ZNRF3: variants seen among roughly 807,000 people sequenced by gnomAD.
ZNRF3 encodes zinc and ring finger 3.
Under a neutral mutation model 72.5 loss-of-function variants are expected in ZNRF3, and 23 were observed. That is an observed-to-expected ratio of 0.32 (90% confidence interval 0.23 to 0.45). The LOEUF is 0.45. Among genes scored for constraint, ZNRF3 ranks in the 20% least tolerant of loss-of-function variants. The probability of loss-of-function intolerance (pLI) is 1.00; values close to 1 mark genes in which losing one functional copy is unlikely to be tolerated. For missense variants in ZNRF3, 1,169 were observed against 1,272.1 expected, an observed-to-expected ratio of 0.92 and a Z score of 1.23; for synonymous variants, 610 against 545.3, an observed-to-expected ratio of 1.12 and a Z score of -1.65.
At chr22:29,024,297 TGCTTTCAA>T (rs2036587332) in intron 2 of ZNRF3, among the ~76,000 whole-genome samples, 3 of 150,286 alleles carry the variant, frequency 2.0e-5, no homozygotes, top group Non-Finnish European at 4.5e-5. Flanking sequence ...TTTTTTTTTT[TGCTTTCAA>T]TTTTCTGCAC....
chr22:28,934,383 T>C (rs2034781209), intron 1 of ZNRF3, among the ~76,000 whole-genome samples: 1 of 152,258 alleles, frequency 6.6e-6, no homozygotes, highest in Non-Finnish European at 1.5e-5. Flanking sequence ...TCAACTCTCT[T>C]GGACTTAAAT....
Position 29,053,686 on chromosome 22 carries a change from A to G in ZNRF3, c.*64A>G. 6.6e-7 allele frequency: 1 copy of G among 1,512,886 alleles called. No homozygotes were observed. The highest frequency in any genetic ancestry group is 1.2e-5 in the South Asian group (1 of 80,852). The allele number at this position is 1,512,886 out of a possible 1,614,324, so 93.7% of individuals were successfully genotyped here. On this transcript the variant is annotated 3_prime_UTR_variant, in exon 9 of 9. Coordinates refer to ENST00000544604, the MANE Select transcript of ZNRF3 (RefSeq NM_001206998.2). ...TGGAGACTCCAAACTGACTTCTTTC[A>G]AAAAACAAAAACAAAAAATTTTTTT...
intron 5 of ZNRF3, among the ~76,000 whole-genome samples, chr22:29,046,499 T>C (rs1384464748): frequency 6.6e-6 from 1 of 152,146 alleles, no homozygotes; most frequent in African/African-American, 2.4e-5. Context: ...CTGCTAGTCT[T>C]GCCACTTAGG....
At chr22:28,991,678 C>T (rs1569273292) in intron 2 of ZNRF3, among the ~76,000 whole-genome samples, 1 of 152,118 alleles carries the variant, frequency 6.6e-6, no homozygotes, top group Non-Finnish European at 1.5e-5. Flanking sequence ...ATTTGACATC[C>T]TATCCAGATT....
intron 1 of ZNRF3, among the ~76,000 whole-genome samples, chr22:28,929,779 GT>G (rs775850967): frequency 2.0e-5 from 3 of 152,124 alleles, no homozygotes; most frequent in Non-Finnish European, 4.4e-5. Context: ...AGGTGGTTGG[GT>G]AATTGAAAAA....
At chr22:28,905,120 A>G (rs2034181723) in intron 1 of ZNRF3, among the ~76,000 whole-genome samples, 1 of 151,904 alleles carries the variant, frequency 6.6e-6, no homozygotes, top group Non-Finnish European at 1.5e-5. Flanking sequence ...ACTTTTTTAT[A>G]GAGATGAGGT....
chr22:28,941,319 C>T (rs1601585449), intron 1 of ZNRF3, among the ~76,000 whole-genome samples: 2 of 152,190 alleles, frequency 1.3e-5, no homozygotes, highest in Middle Eastern at 3.4e-3. Context: ...GGTTTTTGGT[C>T]TTAATTTAAC....
At position 28,944,948 on chromosome 22, in the gene ZNRF3, A is replaced by C. The variant is rs555536666; in HGVS notation, c.301-42128A>C. Among the ~76,000 whole-genome samples the C allele has an allele frequency of 7.7e-4, 115 of 149,132 alleles. 2 individuals are homozygous for C. The South Asian group carries it at 0.024, about 31-fold the overall frequency. ...CTCCAAATAAATAAATAAATAAATA[A>C]ATAAATAAATAAATAATAATAATAC... On this transcript the variant is annotated intron_variant, in intron 1 of 8. Transcript: ENST00000544604.
intron 1 of ZNRF3, among the ~76,000 whole-genome samples, chr22:28,929,612 T>C (rs184269919): frequency 3.3e-4 from 50 of 152,330 alleles, no homozygotes; most frequent in Admixed American, 5.9e-4. Context: ...CATTTTCTTT[T>C]ATAATAAGCC....
chr22:28,947,464 T>A (rs1028109727), intron 1 of ZNRF3, among the ~76,000 whole-genome samples: 16 of 152,228 alleles, frequency 1.1e-4, no homozygotes, highest in Admixed American at 7.2e-4. Context: ...CATTTTACAT[T>A]TCCCATCAGT....
chr22:28,997,988 TAAAAAAA>T (rs557887667), intron 2 of ZNRF3, among the ~76,000 whole-genome samples: 7 of 115,336 alleles, frequency 6.1e-5, no homozygotes, highest in African/African-American at 1.4e-4. Flanking sequence ...CCTGGCTCTT[TAAAAAAA>T]AAAAAAAAAA....
At chr22:28,926,110 C>T (rs1385373109) in intron 1 of ZNRF3, among the ~76,000 whole-genome samples, 5 of 152,206 alleles carry the variant, frequency 3.3e-5, no homozygotes, top group African/African-American at 9.6e-5. Flanking sequence ...GACTTGCCCT[C>T]TCACATTTCC....
At chr22:28,995,756 C>T (rs146364155) in intron 2 of ZNRF3, among the ~76,000 whole-genome samples, 19 of 151,664 alleles carry the variant, frequency 1.3e-4, no homozygotes, top group Admixed American at 2.0e-4. Context: ...TTTCTAGGAG[C>T]ACCCACAGGA....
At chr22:28,990,000 T>C (rs1446289384) in intron 2 of ZNRF3, among the ~76,000 whole-genome samples, 1 of 152,236 alleles carries the variant, frequency 6.6e-6, no homozygotes, top group Non-Finnish European at 1.5e-5. Context: ...GAGAGAAATA[T>C]GATTTATGAT....
chr22:28,968,518 T>C (rs534310706), intron 1 of ZNRF3, among the ~76,000 whole-genome samples: 24 of 152,256 alleles, frequency 1.6e-4, no homozygotes, highest in Non-Finnish European at 2.6e-4. Flanking sequence ...AAGACCAGTC[T>C]GGCCAACATG....
chr22:29,015,803 A>C (rs1321641949), intron 2 of ZNRF3, among the ~76,000 whole-genome samples: 1 of 152,004 alleles, frequency 6.6e-6, no homozygotes, highest in Non-Finnish European at 1.5e-5. Flanking sequence ...GGATCACCTG[A>C]GGTCTGGAGT....
At chr22:28,981,188 G>A (rs952619924) in intron 1 of ZNRF3, among the ~76,000 whole-genome samples, 4 of 152,184 alleles carry the variant, frequency 2.6e-5, no homozygotes, top group South Asian at 2.1e-4. Context: ...TGAATAACAC[G>A]CCTGGTTTTT....
intron 2 of ZNRF3, among the ~76,000 whole-genome samples, chr22:29,020,214 GA>G (rs903219625): frequency 1.3e-4 from 19 of 142,118 alleles, no homozygotes; most frequent in African/African-American, 1.8e-4. Flanking sequence ...AAATGACAAG[GA>G]AAAAAAGTCA....
At chr22:28,999,690 G>A (rs982221998) in intron 2 of ZNRF3, among the ~76,000 whole-genome samples, 4 of 152,192 alleles carry the variant, frequency 2.6e-5, no homozygotes, top group African/African-American at 4.8e-5. Flanking sequence ...ACTCGAGTGC[G>A]TTGCAGGTTG....
Sources: allele counts gnomAD v4.1 joint callset (sites outside exome capture counted in the v4.1 genomes callset), GRCh38; gene constraint gnomAD v4.1.1; transcripts MANE v1.5; gene names NCBI Gene and HGNC (gene_info 2026-07-23, HGNC 2026-07-21).